ADAMTSL1: variants seen among roughly 807,000 people sequenced by gnomAD.
ADAMTSL1 encodes ADAMTS-like protein 1.
ADAMTSL1 carries 126 observed loss-of-function variants against 201.8 expected under a neutral mutation model. That is an observed-to-expected ratio of 0.62 (90% CI 0.54 to 0.72). The LOEUF (loss-of-function observed/expected upper bound fraction) is 0.72, where lower values mean the gene tolerates loss of function less well. Among genes scored for constraint, ADAMTSL1 ranks in the 30% least tolerant of loss-of-function variants. The pLI, the probability that ADAMTSL1 is intolerant of heterozygous loss-of-function variation, is 0.00. For missense variants in ADAMTSL1, 2,679 were observed against 2,277.8 expected, an observed-to-expected ratio of 1.18 and a Z score of -3.59; for synonymous variants, 1,121 against 903.4, an observed-to-expected ratio of 1.24 and a Z score of -4.32.
intron 2 of ADAMTSL1, among the ~76,000 whole-genome samples, chr9:18,241,927 C>A (rs1831080900): frequency 6.6e-6 from 1 of 152,008 alleles, no homozygotes; most frequent in South Asian, 2.1e-4. Context: ...TTGAATTTTA[C>A]CAAATATTCT....
intron 5 of ADAMTSL1, among the ~76,000 whole-genome samples, chr9:18,625,599 G>C (rs1294340832): frequency 6.6e-6 from 1 of 152,056 alleles, no homozygotes; most frequent in Non-Finnish European, 1.5e-5. Context: ...AATAAAAATA[G>C]TCAAATATAG....
chr9:18,312,271 A>C (rs769473688), intron 2 of ADAMTSL1, among the ~76,000 whole-genome samples: 1 of 152,180 alleles, frequency 6.6e-6, no homozygotes, highest in African/African-American at 2.4e-5. Flanking sequence ...CTTCCTGTGG[A>C]TAAAATTAAA....
At chr9:18,037,572 T>A (rs1821254703) in intron 1 of ADAMTSL1, among the ~76,000 whole-genome samples, 2 of 152,186 alleles carry the variant, frequency 1.3e-5, no homozygotes, top group Admixed American at 1.3e-4. Context: ...AACTATGAAA[T>A]GTGTATATAT....
chr9:18,717,010 C>G (rs1050988387), intron 14 of ADAMTSL1, among the ~76,000 whole-genome samples: 1 of 140,066 alleles, frequency 7.1e-6, no homozygotes, highest in Non-Finnish European at 1.6e-5. Flanking sequence ...ACCGCATATT[C>G]TCACTCATAG....
At chr9:18,837,839 C>T (rs540895277) in intron 23 of ADAMTSL1, among the ~76,000 whole-genome samples, 1 of 152,266 alleles carries the variant, frequency 6.6e-6, no homozygotes, top group Non-Finnish European at 1.5e-5. Context: ...TTGCCAACCC[C>T]TGATCCGGTC....
chr9:18,103,009 T>C (rs1389332785), intron 1 of ADAMTSL1, among the ~76,000 whole-genome samples: 1 of 152,196 alleles, frequency 6.6e-6, no homozygotes, highest in African/African-American at 2.4e-5. Flanking sequence ...TGACTCTTAG[T>C]ATTCTCCCAT....
intron 1 of ADAMTSL1, among the ~76,000 whole-genome samples, chr9:17,954,435 T>G (rs560826693): frequency 2.6e-4 from 40 of 152,336 alleles, no homozygotes; most frequent in African/African-American, 9.4e-4. Flanking sequence ...AGTTTGTTAT[T>G]AGCAATTGTC....
At chr9:18,903,869 A>G (rs974489683) in intron 26 of ADAMTSL1, among the ~76,000 whole-genome samples, 6 of 152,050 alleles carry the variant, frequency 3.9e-5, no homozygotes, top group Non-Finnish European at 7.4e-5. Flanking sequence ...AAAAAAATGT[A>G]TAAGTGGACC....
chr9:18,156,615 T>G (rs552368361), intron 1 of ADAMTSL1, among the ~76,000 whole-genome samples: 1 of 142,952 alleles, frequency 7.0e-6, no homozygotes, highest in East Asian at 2.1e-4. Context: ...CATGTAAGAT[T>G]TAAAGCACAG....
At chr9:18,610,472 C>G (rs904759067) in intron 4 of ADAMTSL1, among the ~76,000 whole-genome samples, 10 of 152,086 alleles carry the variant, frequency 6.6e-5, no homozygotes, top group African/African-American at 9.7e-5. Context: ...TCTCCAGGCT[C>G]TACCCTAAAG....
intron 2 of ADAMTSL1, among the ~76,000 whole-genome samples, chr9:18,286,575 T>TTAG (rs1833001780): frequency 8.3e-6 from 1 of 120,470 alleles, no homozygotes; most frequent in Non-Finnish European, 1.9e-5. Flanking sequence ...GTTTATGGTT[T>TTAG]TCAGATATAA....
intron 4 of ADAMTSL1, among the ~76,000 whole-genome samples, chr9:18,576,980 G>A (rs994438372): frequency 4.6e-5 from 7 of 152,060 alleles, no homozygotes; most frequent in Non-Finnish European, 1.0e-4. Flanking sequence ...AGCGAGGCCA[G>A]GTATACAGAG....
At chr9:17,990,822 G>A (rs1819124040) in intron 1 of ADAMTSL1, among the ~76,000 whole-genome samples, 1 of 152,000 alleles carries the variant, frequency 6.6e-6, no homozygotes, top group African/African-American at 2.4e-5. Flanking sequence ...TGTCCAAACT[G>A]TGTGACCTCA....
chr9:18,514,224 A>G (rs113443502), intron 2 of ADAMTSL1, among the ~76,000 whole-genome samples: 1 of 151,560 alleles, frequency 6.6e-6, no homozygotes, highest in South Asian at 2.1e-4. Context: ...TTTATTCCTA[A>G]GTATTTTATT....
intron 1 of ADAMTSL1, among the ~76,000 whole-genome samples, chr9:18,059,397 G>A (rs997465176): frequency 6.6e-6 from 1 of 152,128 alleles, no homozygotes; most frequent in Non-Finnish European, 1.5e-5. Context: ...TGTATTTTGT[G>A]AAATATTGGA....
At chr9:18,186,669 G>A (rs1407493380) in intron 2 of ADAMTSL1, among the ~76,000 whole-genome samples, 1 of 152,094 alleles carries the variant, frequency 6.6e-6, no homozygotes, top group Admixed American at 6.6e-5. Flanking sequence ...AGATCTGTAG[G>A]ATGAAAAGTT....
chr9:18,819,605 G>A (rs998803588), intron 21 of ADAMTSL1, among the ~76,000 whole-genome samples: 3 of 152,150 alleles, frequency 2.0e-5, no homozygotes, highest in South Asian at 2.1e-4. Flanking sequence ...CTATTGTGCC[G>A]CCTAGGGCCC....
chr9:18,731,138 C>T (rs1344856915), intron 15 of ADAMTSL1, among the ~76,000 whole-genome samples: 1 of 152,092 alleles, frequency 6.6e-6, no homozygotes, highest in African/African-American at 2.4e-5. Context: ...TTCAGGAGGA[C>T]AAGACCAAGA....
At chr9:18,408,195 G>T (rs540149161) in intron 2 of ADAMTSL1, among the ~76,000 whole-genome samples, 48 of 152,256 alleles carry the variant, frequency 3.2e-4, no homozygotes, top group Middle Eastern at 3.4e-3. Flanking sequence ...AGGGCCAGGC[G>T]CTGTGGCTGA....
Sources: gnomAD v4.1 joint callset for allele counts (sites outside exome capture counted in the v4.1 genomes callset) on GRCh38, gnomAD v4.1.1 for gene constraint, MANE v1.5 for transcripts, NCBI Gene and HGNC (gene_info 2026-07-23, HGNC 2026-07-21) for gene names.